Variants in CSMD1 observed in about 807,000 individuals in gnomAD.
CSMD1 encodes CUB and sushi domain-containing protein 1.
Under a neutral mutation model 417.5 loss-of-function variants are expected in CSMD1, and 213 were observed. That is an observed-to-expected ratio of 0.51 (90% CI 0.46 to 0.57). CSMD1 has a LOEUF of 0.57. CSMD1 is among the 20% of genes least tolerant of loss of function. The pLI is 0.00. For missense variants in CSMD1, 6,923 were observed against 4,529.7 expected (o/e 1.53, Z -15.17); for synonymous variants, 2,862 against 1,736.8 (o/e 1.65, Z -16.11).
At chr8:4,962,337 A>T (rs1432472149) in intron 1 of CSMD1, among the ~76,000 whole-genome samples, 2 of 152,088 alleles carry the variant, frequency 1.3e-5, no homozygotes, top group Non-Finnish European at 2.9e-5. Context: ...TTGCCTCCCA[A>T]TTAGCTAGGA....
At chr8:3,204,953 A>G (rs1321028541) in intron 31 of CSMD1, among the ~76,000 whole-genome samples, 1 of 152,184 alleles carries the variant, frequency 6.6e-6, no homozygotes, top group Non-Finnish European at 1.5e-5. Context: ...AAATGAAGTC[A>G]TTTTGGAAAA....
At position 3,029,502 on chromosome 8, in the gene CSMD1, G is replaced by C. The variant is rs1810191607; in HGVS notation, c.7672C>G (p.Pro2558Ala). The change falls in exon 51 of 70, where the codon CCC (proline) becomes GCC (alanine). Residue 2558 changes from proline (P) to alanine (A), a missense_variant. Pro to Ala is a conservative substitution (Grantham distance 27). Transcript: ENST00000635120. ...KPPTCKPVAC[P>A]SIEAQLSEHV... The stretch of plus-strand genomic sequence containing the variant: ...TCTGAGAGCTGAGCTTCAATGCTGG[G>C]GCAAGCGACCGCTGGAAGGGAAACG... 1 of 1,596,064 alleles carries C rather than the reference G, an allele frequency of 6.3e-7. No homozygotes were observed.
intron 12 of CSMD1, among the ~76,000 whole-genome samples, chr8:3,434,682 C>G (rs185114592): frequency 6.6e-6 from 1 of 152,184 alleles, no homozygotes; most frequent in Non-Finnish European, 1.5e-5. Flanking sequence ...CCATATCCCC[C>G]TCATTCCTGC....
rs564096683 is a variant in CSMD1, at chr8:3,406,994, G to C, written c.2072-773C>G. On this transcript the variant is annotated intron_variant, in intron 14 of 69. Coordinates refer to ENST00000635120, the MANE Select transcript of CSMD1 (RefSeq NM_033225.6). ...AGAAAGATGCATAAGTGGCTGAGTGGGTGGGTGGATGGTTGTATAGATGGG... is the reference window on the plus strand; with the variant it reads ...AGAAAGATGCATAAGTGGCTGAGTGCGTGGGTGGATGGTTGTATAGATGGG... Among the ~76,000 whole-genome samples the C allele has an allele frequency of 1.2e-4, 19 of 152,210 alleles. No homozygotes were observed. In the East Asian group the frequency reaches 3.3e-3, roughly 26 times the overall value.
At chr8:3,052,811 T>G (rs1811954773) in intron 49 of CSMD1, among the ~76,000 whole-genome samples, 164 bp from the exon 50 acceptor site, 1 of 150,522 alleles carries the variant, frequency 6.6e-6, no homozygotes, top group African/African-American at 2.4e-5. Context: ...GACAAGAGTT[T>G]TGTGCTGTCT....
At chr8:3,709,902 A>T (rs1801410037) in intron 6 of CSMD1, among the ~76,000 whole-genome samples, 1 of 131,166 alleles carries the variant, frequency 7.6e-6, no homozygotes, top group Non-Finnish European at 1.6e-5. Context: ...TATAGATATG[A>T]AGTATATACA....
intron 10 of CSMD1, among the ~76,000 whole-genome samples, chr8:3,554,177 T>G (rs1799040084): frequency 6.6e-6 from 1 of 152,144 alleles, no homozygotes; most frequent in Non-Finnish European, 1.5e-5. Flanking sequence ...CAAGAAGAAG[T>G]TTTTAATGGA....
intron 6 of CSMD1, among the ~76,000 whole-genome samples, chr8:3,747,845 G>T (rs554764313): frequency 6.6e-6 from 1 of 152,092 alleles, no homozygotes; most frequent in Non-Finnish European, 1.5e-5. Context: ...CAAGCTGTTT[G>T]TTTTAGTTGC....
chr8:4,787,449 G>A, intron 1 of CSMD1: 2 of 775,442 alleles, frequency 2.6e-6, no homozygotes, highest in East Asian at 2.5e-5. Flanking sequence ...AATGTAGCTA[G>A]AAAGAATCAC....
At chr8:4,396,456 T>C (rs907395017) in intron 3 of CSMD1, among the ~76,000 whole-genome samples, 10 of 152,008 alleles carry the variant, frequency 6.6e-5, no homozygotes, top group Admixed American at 4.6e-4. Flanking sequence ...GGCTACAGAG[T>C]GACAGCCAGT....
At chr8:4,689,112 A>G (rs1352755494) in intron 1 of CSMD1, among the ~76,000 whole-genome samples, 5 of 152,188 alleles carry the variant, frequency 3.3e-5, no homozygotes, top group African/African-American at 7.2e-5. Flanking sequence ...TCTCAACCCA[A>G]CAGGTAACTT....
intron 5 of CSMD1, among the ~76,000 whole-genome samples, chr8:3,997,471 G>A (rs976180474): frequency 6.6e-6 from 1 of 152,096 alleles, no homozygotes; most frequent in African/African-American, 2.4e-5. Flanking sequence ...TACAGAATGT[G>A]GTACACAGTC....
intron 7 of CSMD1, among the ~76,000 whole-genome samples, chr8:3,623,848 G>A (rs1242508707): frequency 6.6e-6 from 1 of 151,978 alleles, no homozygotes; most frequent in Non-Finnish European, 1.5e-5. Context: ...GTGCTGGTGT[G>A]CATCTGTAAT....
rs1563343497 is a variant in CSMD1, at chr8:3,754,472, T to TTTA, written c.819-431_819-430insTAA. Reference sequence around the variant, plus strand: ...TATTTATTTATTTATTTATTTATTTTGAGACGGAGTCTCACTGTGTCATCC... The same window carrying TTTA: ...TATTTATTTATTTATTTATTTATTTTTTAGAGACGGAGTCTCACTGTGTCATCC... On this transcript the variant is annotated intron_variant, in intron 5 of 69. Coordinates refer to ENST00000635120, the MANE Select transcript of CSMD1 (RefSeq NM_033225.6). 4.2e-3 allele frequency among the ~76,000 whole-genome samples: 425 copies of TTTA among 100,852 alleles called. 9 individuals are homozygous for TTTA. In the East Asian group the frequency reaches 0.074, roughly 18 times the overall value. 66.2% of individuals were successfully genotyped at this position (100,852 alleles called of 152,430 possible).
chr8:4,146,935 T>G (rs967749338), intron 3 of CSMD1, among the ~76,000 whole-genome samples: 2 of 144,068 alleles, frequency 1.4e-5, no homozygotes, highest in Non-Finnish European at 2.9e-5. Context: ...TTTAAGGAAG[T>G]CAACTCACCT....
intron 3 of CSMD1, among the ~76,000 whole-genome samples, chr8:4,077,437 T>C (rs887701743): frequency 1.3e-5 from 2 of 151,722 alleles, no homozygotes; most frequent in African/African-American, 4.8e-5. Context: ...ATAATTAATT[T>C]GAGTATCCTA....
At chr8:3,654,708 G>A (rs1029286120) in intron 7 of CSMD1, among the ~76,000 whole-genome samples, 45 of 152,194 alleles carry the variant, frequency 3.0e-4, no homozygotes, top group African/African-American at 1.0e-3. Flanking sequence ...CCAGCACAGG[G>A]ACACATTGGG....
intron 1 of CSMD1, among the ~76,000 whole-genome samples, chr8:4,875,920 A>C (rs902897267): frequency 3.9e-5 from 6 of 152,094 alleles, no homozygotes; most frequent in Admixed American, 6.5e-5. Flanking sequence ...CTTTAATAGC[A>C]ACAATTTAAA....
chr8:4,031,080 T>A (rs982140729), intron 4 of CSMD1, among the ~76,000 whole-genome samples: 5 of 152,152 alleles, frequency 3.3e-5, no homozygotes, highest in African/African-American at 1.2e-4. Context: ...CTCTAGAGAA[T>A]TCCAAAACTT....
Sources: allele counts gnomAD v4.1 joint callset (sites outside exome capture counted in the v4.1 genomes callset), GRCh38; gene constraint gnomAD v4.1.1; transcripts MANE v1.5; gene names NCBI Gene and HGNC (gene_info 2026-07-23, HGNC 2026-07-21).